Variants in COL24A1 observed in about 807,000 individuals in gnomAD.
COL24A1 encodes the protein collagen type XXIV alpha 1 chain, also known as collagen alpha-1(XXIV) chain.
Under a neutral mutation model 253.9 loss-of-function variants are expected in COL24A1, and 224 were observed. The observed-to-expected ratio is 0.88, with a 90% CI of 0.79 to 0.99. The LOEUF is 0.99. Ranked by LOEUF, COL24A1 falls within the 50% of genes least tolerant of loss-of-function variation. COL24A1 has a pLI of 0.00. For synonymous variants in COL24A1, 685 were observed against 673.7 expected (o/e 1.02, Z -0.26); for missense variants, 2,131 against 2,068.5 (o/e 1.03, Z -0.59).
intron 10 of COL24A1, among the ~76,000 whole-genome samples, chr1:86,050,900 A>G (rs542291722): frequency 1.3e-4 from 20 of 152,262 alleles, no homozygotes; most frequent in Non-Finnish European, 2.2e-4. Context: ...CATTTCATCA[A>G]TTTTACAGAT....
rs1491169938 is a variant in COL24A1 at position 86,108,620 on chromosome 1, T to TAAAGAAAAAAAAAA, written c.1599+3946_1599+3947insTTTTTTTTTTCTTT. On this transcript the variant is annotated intron_variant, in intron 5 of 59. Transcript: ENST00000370571. Reference sequence around the variant, plus strand: ...GAAAATGGAGAAACCCCATCTCTACTAAAAAAAAAAAAAAAAAAAAAAAAA... The same window carrying TAAAGAAAAAAAAAA: ...GAAAATGGAGAAACCCCATCTCTACTAAAGAAAAAAAAAAAAAAAAAAAAAAAAAAAAAAAAAAA... Among the ~76,000 whole-genome samples, 86 of 83,100 alleles carry TAAAGAAAAAAAAAA rather than the reference T, an allele frequency of 1.0e-3. 2 individuals carry two copies. Among genetic ancestry groups the TAAAGAAAAAAAAAA allele is most frequent in the African/African-American group, 4.2e-3 (81 of 19,470 alleles). 54.5% of individuals were successfully genotyped at this position (83,100 alleles called of 152,430 possible).
intron 24 of COL24A1, among the ~76,000 whole-genome samples, chr1:85,948,974 T>G (rs2100559195): frequency 6.6e-6 from 1 of 152,288 alleles, no homozygotes; most frequent in African/African-American, 2.4e-5. Context: ...TGAGGTTTTC[T>G]GAAACTTTTG....
rs559750699 is a variant in COL24A1, at chr1:85,830,764, C to T, written c.3682-7026G>A. ...CTTGCGCTTGCCGAGTGAGGCAATG[C>T]CTTGCCCTGCTTCGGCTCGCGCACA... On this transcript the variant is annotated intron_variant, in intron 43 of 59. Transcript: ENST00000370571. 1.5e-3 allele frequency among the ~76,000 whole-genome samples: 225 copies of T among 152,162 alleles called. 5 individuals are homozygous for T. The highest frequency in any genetic ancestry group is 2.6e-3 in the Non-Finnish European group (180 of 68,014).
chr1:85,730,681 G>A lies in COL24A1; in HGVS notation c.5010C>T (p.Gly1670=), dbSNP rs777193690. 64 of 1,613,802 alleles carry A rather than the reference G, an allele frequency of 4.0e-5. No homozygotes were observed. Among genetic ancestry groups the A allele is most frequent in the Non-Finnish European group, 5.3e-5 (63 of 1,179,820 alleles). Residue 1670 remains glycine (G), a synonymous_variant, in exon 60 of 60, where the codon GGC becomes GGT. Transcript: ENST00000370571. ...VLSDDCKIQD[G]SWHKATFLFH... ...AAAGAAATGTTGCCTTATGCCAGCT[G>A]CCATCTTGAATCTGTAAAATAAGAA...
intron 19 of COL24A1, among the ~76,000 whole-genome samples, chr1:86,000,031 C>A (rs1409799362): frequency 6.6e-6 from 1 of 152,186 alleles, no homozygotes; most frequent in Non-Finnish European, 1.5e-5. Flanking sequence ...GCCAGTGTCA[C>A]CCACTCCTGT....
intron 19 of COL24A1, among the ~76,000 whole-genome samples, chr1:86,011,732 A>G (rs1018371019): frequency 6.6e-6 from 1 of 152,198 alleles, no homozygotes; most frequent in African/African-American, 2.4e-5. Context: ...AGTAGTAATA[A>G]TTTTCCCAGG....
chr1:86,147,627 C>T (rs1265880382), intron 1 of COL24A1, among the ~76,000 whole-genome samples: 8 of 152,094 alleles, frequency 5.3e-5, no homozygotes, highest in Admixed American at 2.0e-4. Flanking sequence ...GATTTTGGGC[C>T]CTGACACAGA....
intron 1 of COL24A1, among the ~76,000 whole-genome samples, chr1:86,149,759 G>A (rs962103905): frequency 1.3e-5 from 2 of 152,158 alleles, no homozygotes; most frequent in African/African-American, 4.8e-5. Flanking sequence ...CCTGGTGTGA[G>A]GCAGGAAAAC....
At chr1:85,986,022 T>G (rs1693692908) in intron 20 of COL24A1, among the ~76,000 whole-genome samples, 1 of 151,900 alleles carries the variant, frequency 6.6e-6, no homozygotes, top group Admixed American at 6.6e-5. Flanking sequence ...CCTTGTCTGC[T>G]TCACAAATTC....
At chr1:85,775,568 A>T (rs1263086624) in intron 53 of COL24A1, 106 bp downstream of exon 53, 1 of 898,062 alleles carries the variant, frequency 1.1e-6, no homozygotes, top group East Asian at 2.5e-5. Flanking sequence ...TTTATTCTAC[A>T]AGTATCAGAG....
intron 37 of COL24A1, among the ~76,000 whole-genome samples, chr1:85,868,031 A>G (rs1431250681): frequency 2.0e-5 from 3 of 152,002 alleles, no homozygotes; most frequent in African/African-American, 7.2e-5. Flanking sequence ...AGGCCTGGCC[A>G]TTACTCTTAT....
At chr1:85,962,764 T>C (rs1691198350) in intron 23 of COL24A1, among the ~76,000 whole-genome samples, 2 of 152,122 alleles carry the variant, frequency 1.3e-5, no homozygotes, top group Admixed American at 6.5e-5. Context: ...AGATTAAATA[T>C]GTTATGTCTA....
At chr1:85,863,297 A>C (rs1679378266) in intron 37 of COL24A1, among the ~76,000 whole-genome samples, 2 of 152,194 alleles carry the variant, frequency 1.3e-5, no homozygotes. Context: ...TCCTAATTGA[A>C]TACCCTTTAT....
At chr1:86,007,571 T>C (rs1452091904) in intron 19 of COL24A1, among the ~76,000 whole-genome samples, 2 of 152,194 alleles carry the variant, frequency 1.3e-5, no homozygotes, top group Non-Finnish European at 2.9e-5. Flanking sequence ...AGATGTCCTT[T>C]AGTCGGTGAA....
intron 12 of COL24A1, chr1:86,045,952 A>C (rs538409533): frequency 3.7e-5 from 13 of 355,754 alleles, no homozygotes; most frequent in South Asian, 2.6e-4. Context: ...GATTCAGTGG[A>C]GCTTTGCTCA....
intron 43 of COL24A1, 105 bp from the exon 44 acceptor site, chr1:85,823,843 T>C: frequency 1.0e-6 from 1 of 969,520 alleles, no homozygotes. Flanking sequence ...AAAGCTCAAC[T>C]TAAATGTCGT....
chr1:85,877,238 C>A, intron 32 of COL24A1, 63 bp from the exon 33 acceptor site: 1 of 1,162,690 alleles, frequency 8.6e-7, no homozygotes, highest in South Asian at 1.5e-5. Flanking sequence ...TAAATGTATT[C>A]ATCTGGATAT....
intron 53 of COL24A1, among the ~76,000 whole-genome samples, chr1:85,773,390 T>C (rs1356964650): frequency 6.6e-6 from 1 of 152,212 alleles, no homozygotes; most frequent in Non-Finnish European, 1.5e-5. Flanking sequence ...GAAGTAGTTT[T>C]TTCCAATTCT....
chr1:85,811,687 A>G (rs939857185), intron 47 of COL24A1, among the ~76,000 whole-genome samples: 12 of 152,118 alleles, frequency 7.9e-5, no homozygotes, highest in Non-Finnish European at 1.3e-4. Flanking sequence ...TTTGCTTTTG[A>G]TTTGCATTTC....
Sources: gnomAD v4.1 joint callset for allele counts (sites outside exome capture counted in the v4.1 genomes callset) on GRCh38, gnomAD v4.1.1 for gene constraint, MANE v1.5 for transcripts, NCBI Gene and HGNC (gene_info 2026-07-23, HGNC 2026-07-21) for gene names.